DUOX1: variants seen among roughly 807,000 people sequenced by gnomAD.
DUOX1 encodes NADPH thyroid oxidase 1.
DUOX1 carries 134 observed loss-of-function variants against 181.8 expected under a neutral mutation model. The observed-to-expected ratio is 0.74, with a 90% CI of 0.64 to 0.85. The LOEUF (loss-of-function observed/expected upper bound fraction) is 0.85. DUOX1 is among the 40% of genes least tolerant of loss of function. The pLI is 0.00. For synonymous variants in DUOX1, 798 were observed against 832.5 expected (o/e 0.96, Z 0.71); for missense variants, 1,814 against 2,064.4 (o/e 0.88, Z 2.35).
chr15:45,145,821 A>T (rs972967854), intron 18 of DUOX1, among the ~76,000 whole-genome samples: 9 of 152,134 alleles, frequency 5.9e-5, no homozygotes, highest in African/African-American at 2.2e-4. Flanking sequence ...AGGCTGAGGC[A>T]GGAGAATCAC....
At chr15:45,159,383 C>A (rs1279728945) in intron 28 of DUOX1, among the ~76,000 whole-genome samples, 1 of 152,216 alleles carries the variant, frequency 6.6e-6, no homozygotes, top group East Asian at 1.9e-4. Context: ...GTGGGAGAAC[C>A]AGTAGAGCAT....
chr15:45,145,069 C>G lies in DUOX1; in HGVS notation c.2311C>G (p.Leu771Val), dbSNP rs371395970. Residue 771 changes from leucine to valine, a missense_variant, in exon 18 of 34, where the codon CTT (leucine) becomes GTT (valine). Coordinates refer to ENST00000389037, the MANE Select transcript of DUOX1 (RefSeq NM_175940.3). ...CCTCCTGGAGACCTTTTTCAGGCAC[C>G]TTTTCTCCCAGGTGTGTACATGGGA... ...RHLLETFFRH[L>V]FSQVLDINQA... The G allele has an allele frequency of 3.7e-6, 6 of 1,604,442 alleles. No homozygotes were observed. Among genetic ancestry groups the G allele is most frequent in the African/African-American group, 2.7e-5 (2 of 74,586 alleles).
chr15:45,139,162 G>T lies in DUOX1; in HGVS notation c.1210G>T (p.Val404Leu). ...EREDHVLVED[V>L]RDFWPGPLKF... ...AGAGGACCATGTGTTGGTTGAAGAT[G>T]TGCGGGGTGAGTCTGAGGCTGTCCC... Residue 404 changes from valine to leucine, a missense_variant, in exon 11 of 34, where the codon GTG (valine) becomes TTG (leucine). By Grantham distance (32) the Val-to-Leu change is conservative (BLOSUM62 1). Coordinates refer to ENST00000389037, the MANE Select transcript of DUOX1 (RefSeq NM_175940.3). The T allele has an allele frequency of 6.2e-7, 1 of 1,614,188 alleles. No individual in the cohort carries two copies. Among genetic ancestry groups the T allele is most frequent in the Non-Finnish European group, 8.5e-7 (1 of 1,180,042 alleles).
chr15:45,140,901 G>A lies in DUOX1; in HGVS notation c.1396G>A (p.Glu466Lys), dbSNP rs1157790960. 3 of 1,613,846 alleles carry A rather than the reference G, an allele frequency of 1.9e-6. No homozygotes were observed. The highest frequency in any genetic ancestry group is 1.1e-5 in the South Asian group (1 of 91,062). ...TGCCCCTTCTTGGTTCCAGGTACTG[G>A]AGGCCACAGCTGCCCTGTACAACCA... is the stretch of plus-strand genomic sequence containing the variant. ...ALSRSNDTVL[E>K]ATAALYNQDL... Residue 466 changes from glutamate (E) to lysine (K), a missense_variant, in exon 13 of 34, where the codon GAG becomes AAG. Glu to Lys is a moderately conservative substitution (Grantham distance 56). Transcript: ENST00000389037.
At chr15:45,141,730 A>G (rs1595581055) in intron 14 of DUOX1, among the ~76,000 whole-genome samples, 1 of 149,984 alleles carries the variant, frequency 6.7e-6, no homozygotes, top group Non-Finnish European at 1.5e-5. Context: ...GGATATCCCA[A>G]CCCTACAGCA....
In DUOX1 at chr15:45,163,528, C is replaced by T; in HGVS notation, c.4249-4C>T. ...GGTCCTGAACTCCAGCCCTGTGTCC[C>T]CAGATCTACTTCATCTGGGTGACGC... On this transcript the variant is annotated splice_region_variant and splice_polypyrimidine_tract_variant and intron_variant, in intron 31 of 33. Coordinates refer to ENST00000389037, the MANE Select transcript of DUOX1 (RefSeq NM_175940.3). 6.2e-7 allele frequency: 1 copy of T among 1,613,978 alleles called. No homozygotes were observed. Among genetic ancestry groups the T allele is most frequent in the South Asian group, 1.1e-5 (1 of 91,072 alleles).
rs1896229105 is a variant in DUOX1, at chr15:45,134,279, A to C, written c.277A>C (p.Arg93=). 4 of 1,602,994 alleles carry C rather than the reference A, an allele frequency of 2.5e-6. No individual in the cohort carries two copies. In the East Asian group the frequency reaches 9.0e-5, roughly 36 times the overall value. ...SRGPAGLASL[R]NRTVLGVFFG... ...GGGCCCTGCAGGGCTGGCCTCCCTGAGAAACCGCACAGTGTTGGGGGTCTT... is the reference window on the plus strand; with the variant it reads ...GGGCCCTGCAGGGCTGGCCTCCCTGCGAAACCGCACAGTGTTGGGGGTCTT... The change falls in exon 4 of 34, where the codon AGA becomes CGA. Residue 93 remains arginine (R), a synonymous_variant. Transcript: ENST00000389037.
At chr15:45,139,654 C>T (rs1896441844) in intron 12 of DUOX1, 55 bp downstream of exon 12, 2 of 1,493,224 alleles carry the variant, frequency 1.3e-6, no homozygotes, top group African/African-American at 2.8e-5. Context: ...GCACGTGGGC[C>T]TGAGACATGG....
Position 45,142,811 on chromosome 15 carries a change from G to GGAAGGAAGGAAGGAAA in DUOX1, c.1823-379_1823-378insGAAGGAAGGAAGGAAA, listed in dbSNP as rs1461270052. Among the ~76,000 whole-genome samples, 2 of 150,964 alleles carry GGAAGGAAGGAAGGAAA rather than the reference G, an allele frequency of 1.3e-5. 1 individual carries two copies. Among genetic ancestry groups the GGAAGGAAGGAAGGAAA allele is most frequent in the Non-Finnish European group, 3.0e-5 (2 of 67,678 alleles). The stretch of plus-strand genomic sequence containing the variant: ...AGGGAGGGAGGAAGGGAGGGAGGAA[G>GGAAGGAAGGAAGGAAA]AGCAGGCTGGGGCAGACATAGTCGC... On this transcript the variant is annotated intron_variant, in intron 15 of 33. Transcript: ENST00000389037.
chr15:45,134,355 G>A, intron 4 of DUOX1, 46 bp downstream of exon 4: 1 of 1,549,356 alleles, frequency 6.5e-7, no homozygotes, highest in Non-Finnish European at 8.7e-7. Context: ...GGGTCGGCTG[G>A]ACACCTCTGC....
chr15:45,157,093 A>G (rs1648319), intron 28 of DUOX1, among the ~76,000 whole-genome samples: 91,634 of 152,134 alleles, frequency 0.6, 28,342 homozygotes, highest in South Asian at 0.72. Flanking sequence ...GGCTCCTGCC[A>G]TCTGACCTGC....
intron 30 of DUOX1, 36 bp downstream of exon 30, chr15:45,162,006 A>G (rs1897116282): frequency 6.4e-7 from 1 of 1,570,744 alleles, no homozygotes; most frequent in Non-Finnish European, 8.7e-7. Flanking sequence ...ACATGCGCCC[A>G]TATCCCCTTT....
In DUOX1 at chr15:45,135,150, C is replaced by A. The variant is rs1265048254; in HGVS notation, c.354C>A (p.Cys118Ter). Residue 118 changes from cysteine (C) to a stop codon, truncating the protein, a stop_gained, in exon 5 of 34, where the codon TGC becomes TGA. Transcript: ENST00000389037. LOFTEE classifies it high-confidence loss of function. ...SDLVSVETPG[C>*]PAEFLNIRIP... ...TGGTGAGCGTGGAAACTCCCGGCTG[C>A]CCCGCCGAGTTCCTCAACATTCGCA... 2 of 1,613,706 alleles carry A rather than the reference C, an allele frequency of 1.2e-6. No homozygotes were observed. The highest frequency in any genetic ancestry group is 1.7e-5 in the Admixed American group (1 of 59,978).
chr15:45,154,041 G>C, intron 27 of DUOX1, 41 bp downstream of exon 27: 1 of 1,596,650 alleles, frequency 6.3e-7, no homozygotes. Context: ...GGACCTGACT[G>C]TGAGTTCAAG....
intron 27 of DUOX1, among the ~76,000 whole-genome samples, chr15:45,154,818 G>A (rs1316698522): frequency 6.6e-6 from 1 of 152,124 alleles, no homozygotes; most frequent in Non-Finnish European, 1.5e-5. Flanking sequence ...ACTTGAGGGA[G>A]CATTCTCTGT....
At chr15:45,141,177 C>G in intron 13 of DUOX1, 107 bp downstream of exon 13, 1 of 1,561,816 alleles carries the variant, frequency 6.4e-7, no homozygotes. Flanking sequence ...AGCCAGCCCA[C>G]CACCCACTTC....
chr15:45,158,264 A>C (rs1897011387), intron 28 of DUOX1, among the ~76,000 whole-genome samples: 1 of 152,222 alleles, frequency 6.6e-6, no homozygotes, highest in Non-Finnish European at 1.5e-5. Flanking sequence ...TGTGGGCTCC[A>C]CAATGAAACA....
intron 28 of DUOX1, among the ~76,000 whole-genome samples, chr15:45,160,032 A>G (rs1325250442): frequency 1.3e-5 from 2 of 152,114 alleles, no homozygotes; most frequent in African/African-American, 2.4e-5. Flanking sequence ...GGTGCCTGTA[A>G]TCCCAGCTAC....
Position 45,162,324 on chromosome 15 carries a change from C to T in DUOX1, c.4195C>T (p.Leu1399Phe), listed in dbSNP as rs1373500149. The T allele has an allele frequency of 6.8e-6, 11 of 1,613,990 alleles. No homozygotes were observed. The highest frequency in any genetic ancestry group is 9.3e-6 in the Non-Finnish European group (11 of 1,180,018). Residue 1399 changes from leucine to phenylalanine, a missense_variant, in exon 31 of 34, where the codon CTC becomes TTC. Around this residue, in one of 5 missense-constraint regions of DUOX1, gnomAD observed 279 missense variants for 381.9 expected, o/e 0.73. Coordinates refer to ENST00000389037, the MANE Select transcript of DUOX1 (RefSeq NM_175940.3). ...TGGGGTCACCCCTTTTGCCTCCATC[C>T]TCAAAGACCTGGTCTTCAAGTCATC... ...GIGVTPFASI[L>F]KDLVFKSSVS...
Sources: gnomAD v4.1 joint callset for allele counts (sites outside exome capture counted in the v4.1 genomes callset) on GRCh38, gnomAD v4.1.1 for gene constraint, gnomAD v4.1.1 regional missense constraint, MANE v1.5 for transcripts, NCBI Gene and HGNC (gene_info 2026-07-23, HGNC 2026-07-21) for gene names.